The following SNTG2 variants were observed in gnomAD, a reference collection of about 807,000 sequenced individuals.
SNTG2 encodes the protein syntrophin gamma 2.
SNTG2 carries 74 observed loss-of-function variants against 70.9 expected under a neutral mutation model. The observed-to-expected ratio is 1.04, with a 90% CI of 0.86 to 1.27. The LOEUF (loss-of-function observed/expected upper bound fraction) is 1.27. Ranked by LOEUF, SNTG2 falls within the 50% of genes most tolerant of loss-of-function variation. The probability of loss-of-function intolerance (pLI) is 0.00; values close to 1 mark genes in which losing one functional copy is unlikely to be tolerated. For synonymous variants in SNTG2, 278 were observed against 273.8 expected (o/e 1.02, Z -0.15); for missense variants, 717 against 690.7 (o/e 1.04, Z -0.43).
At chr2:1,169,907 A>G (rs1296230286) in intron 7 of SNTG2, among the ~76,000 whole-genome samples, 1 of 152,214 alleles carries the variant, frequency 6.6e-6, no homozygotes, top group African/African-American at 2.4e-5. Context: ...ACAGTGAAAA[A>G]TGTTAAAATC....
intron 1 of SNTG2, among the ~76,000 whole-genome samples, chr2:989,455 A>G (rs1470867019): frequency 6.6e-6 from 1 of 152,196 alleles, no homozygotes; most frequent in African/African-American, 2.4e-5. Flanking sequence ...CTTTGCATCT[A>G]TTGTGATGTT....
intron 13 of SNTG2, among the ~76,000 whole-genome samples, chr2:1,264,519 A>G (rs999140610): frequency 6.6e-6 from 1 of 152,232 alleles, no homozygotes; most frequent in Admixed American, 6.5e-5. Flanking sequence ...AGAAGCGGGA[A>G]TATCACAGCA....
At chr2:1,254,239 G>T (rs573595320) in intron 12 of SNTG2, among the ~76,000 whole-genome samples, 67 of 152,290 alleles carry the variant, frequency 4.4e-4, no homozygotes, top group African/African-American at 1.6e-3. Context: ...GCCCACCCTG[G>T]TGGGTCCCTA....
intron 14 of SNTG2, among the ~76,000 whole-genome samples, chr2:1,281,226 T>TGG (rs1455984971): frequency 7.0e-5 from 4 of 57,252 alleles, no homozygotes; most frequent in South Asian, 6.9e-4. Context: ...TGTGTTTGTG[T>TGG]TTATGTGGTG....
chr2:1,005,409 ATG>A (rs1452075069), intron 1 of SNTG2, among the ~76,000 whole-genome samples: 3 of 151,652 alleles, frequency 2.0e-5, no homozygotes, highest in African/African-American at 7.3e-5. Context: ...GGCTGTGCAC[ATG>A]TGGGGGCGGT....
chr2:1,187,077 T>G (rs1431207942), intron 8 of SNTG2, among the ~76,000 whole-genome samples: 2 of 152,208 alleles, frequency 1.3e-5, no homozygotes, highest in South Asian at 4.1e-4. Context: ...TCAAGGTGTC[T>G]GAACCATGTG....
chr2:1,087,416 C>T (rs186342126), intron 2 of SNTG2, among the ~76,000 whole-genome samples: 2 of 152,306 alleles, frequency 1.3e-5, no homozygotes, highest in East Asian at 3.9e-4. Flanking sequence ...TGCTCTAGCC[C>T]TGACCTAACC....
chr2:1,093,119 T>A (rs989750862), intron 2 of SNTG2, among the ~76,000 whole-genome samples: 1 of 152,096 alleles, frequency 6.6e-6, no homozygotes, highest in African/African-American at 2.4e-5. Context: ...GCCGTGATTA[T>A]GGGGGAACGC....
At chr2:1,336,726 C>T (rs1427080083) in intron 16 of SNTG2, among the ~76,000 whole-genome samples, 2 of 152,074 alleles carry the variant, frequency 1.3e-5, no homozygotes, top group African/African-American at 4.8e-5. Flanking sequence ...ATCTTTTCCC[C>T]GTTGTGTGTT....
chr2:1,209,331 T>C, intron 9 of SNTG2, 101 bp downstream of exon 9: 1 of 1,395,358 alleles, frequency 7.2e-7, no homozygotes, highest in South Asian at 1.3e-5. Flanking sequence ...GACTGTGACA[T>C]TAGCAAGTGT....
At chr2:994,366 C>G (rs1661606164) in intron 1 of SNTG2, among the ~76,000 whole-genome samples, 1 of 151,962 alleles carries the variant, frequency 6.6e-6, no homozygotes, top group South Asian at 2.1e-4. Flanking sequence ...TGATCTATAT[C>G]TCTATTTTTA....
intron 4 of SNTG2, among the ~76,000 whole-genome samples, chr2:1,124,838 G>A (rs191689680): frequency 2.3e-3 from 354 of 152,258 alleles, no homozygotes; most frequent in African/African-American, 8.1e-3. Context: ...GCAAAGCCGT[G>A]CACAAGTAGG....
intron 1 of SNTG2, among the ~76,000 whole-genome samples, chr2:1,058,525 T>C (rs1265382001): frequency 6.6e-6 from 1 of 152,242 alleles, no homozygotes; most frequent in East Asian, 1.9e-4. Flanking sequence ...TCCATATAAT[T>C]CCACAATACC....
intron 1 of SNTG2, among the ~76,000 whole-genome samples, chr2:1,015,162 G>C (rs777825932): frequency 6.6e-6 from 1 of 152,270 alleles, no homozygotes; most frequent in East Asian, 1.9e-4. Context: ...AGGTATCCTG[G>C]TCCCGCAGGC....
intron 1 of SNTG2, among the ~76,000 whole-genome samples, chr2:959,963 A>G (rs1660296098): frequency 6.6e-6 from 1 of 151,896 alleles, no homozygotes; most frequent in Non-Finnish European, 1.5e-5. Context: ...TTTCTGGTGT[A>G]TATTCTGTAA....
chr2:1,058,898 C>G (rs1662634273), intron 1 of SNTG2, among the ~76,000 whole-genome samples: 1 of 152,186 alleles, frequency 6.6e-6, no homozygotes, highest in African/African-American at 2.4e-5. Flanking sequence ...GTCACTGGTC[C>G]AGTGCCCTCT....
At chr2:1,050,513 T>C (rs2148076977) in intron 1 of SNTG2, among the ~76,000 whole-genome samples, 1 of 152,266 alleles carries the variant, frequency 6.6e-6, no homozygotes, top group Middle Eastern at 3.4e-3. Context: ...TTCTCTGTAC[T>C]CCATTGGGCT....
chr2:1,256,467 C>T (rs1304028951), intron 12 of SNTG2: 1 of 152,200 alleles, frequency 6.6e-6, no homozygotes, highest in African/African-American at 2.4e-5. Context: ...AGATGCTCTT[C>T]TTGGATACCT....
intron 13 of SNTG2, 93 bp from the exon 14 acceptor site, chr2:1,267,272 C>A: frequency 8.3e-7 from 1 of 1,198,890 alleles, no homozygotes; most frequent in South Asian, 1.4e-5. Context: ...TTTCCCAGAT[C>A]ACGCAAACGC....
Sources: allele counts gnomAD v4.1 joint callset (sites outside exome capture counted in the v4.1 genomes callset), GRCh38; gene constraint gnomAD v4.1.1; transcripts MANE v1.5; gene names NCBI Gene and HGNC (gene_info 2026-07-23, HGNC 2026-07-21).